The following NTNG2 variants were observed in gnomAD, a reference collection of about 807,000 sequenced individuals.
NTNG2 encodes the protein netrin G2.
NTNG2 carries 15 observed loss-of-function variants against 47.6 expected under a neutral mutation model. The ratio of observed to expected loss-of-function variants is 0.32; its 90% CI spans 0.21 to 0.49. NTNG2 has a LOEUF of 0.49. NTNG2 is among the 20% of genes least tolerant of loss of function. The pLI, the probability that NTNG2 is intolerant of heterozygous loss-of-function variation, is 0.99. For synonymous variants in NTNG2, 307 were observed against 324.6 expected (o/e 0.95, Z 0.58); for missense variants, 578 against 764.6 (o/e 0.76, Z 2.88).
chr9:132,240,577 G>T, intron 6 of NTNG2: 1 of 432,328 alleles, frequency 2.3e-6, no homozygotes, highest in South Asian at 2.2e-5. Context: ...CCACCTGTCG[G>T]AGTCATAGCT....
chr9:132,188,514 C>T (rs1414014180), intron 2 of NTNG2, among the ~76,000 whole-genome samples: 1 of 152,256 alleles, frequency 6.6e-6, no homozygotes, highest in Non-Finnish European at 1.5e-5. Flanking sequence ...TGCGACATTG[C>T]TCAGCCTCTC....
At chr9:132,222,048 G>C (rs1198959801) in intron 3 of NTNG2, among the ~76,000 whole-genome samples, 2 of 152,232 alleles carry the variant, frequency 1.3e-5, no homozygotes, top group Non-Finnish European at 1.5e-5. Context: ...TAGGAATTCA[G>C]AAGTTGCGAA....
chr9:132,222,881 A>T (rs1449695013), intron 3 of NTNG2, among the ~76,000 whole-genome samples: 2 of 152,150 alleles, frequency 1.3e-5, no homozygotes, highest in African/African-American at 2.4e-5. Flanking sequence ...TGAGGTGGGC[A>T]GATTGCTTGA....
Position 132,215,382 on chromosome 9 carries a change from A to G in NTNG2, c.858-11467A>G, listed in dbSNP as rs1054572736. 1.2e-4 allele frequency among the ~76,000 whole-genome samples: 18 copies of G among 151,570 alleles called. No homozygotes were observed. Among genetic ancestry groups the G allele is most frequent in the African/African-American group, 4.4e-4 (18 of 41,272 alleles). On this transcript the variant is annotated intron_variant, in intron 3 of 7. Transcript: ENST00000393229. The surrounding 1 kb of genome is among the most constrained non-coding windows in gnomAD (Gnocchi z 4.2). ...GATCATTTGAGGTCAGGAGTTTGAG[A>G]CCAGCCTGGCCAACGTGGTGAAACC... is the stretch of plus-strand genomic sequence containing the variant.
At chr9:132,181,504 A>G (rs1259153966) in intron 2 of NTNG2, among the ~76,000 whole-genome samples, 2 of 151,950 alleles carry the variant, frequency 1.3e-5, no homozygotes, top group African/African-American at 2.4e-5. Flanking sequence ...TATTTTTAGT[A>G]GAGACAAAGT....
intron 2 of NTNG2, among the ~76,000 whole-genome samples, chr9:132,183,411 T>G (rs890033869): frequency 6.6e-6 from 1 of 152,174 alleles, no homozygotes. Context: ...CCCCCTGCAG[T>G]GTTTTGTGTG....
At chr9:132,187,600 A>C (rs1837501488) in intron 2 of NTNG2, among the ~76,000 whole-genome samples, 1 of 146,620 alleles carries the variant, frequency 6.8e-6, no homozygotes, top group East Asian at 2.2e-4. Flanking sequence ...AGAGAGAGGG[A>C]CAGAAAACAA....
chr9:132,225,244 TTTTTG>T (rs1840664509), intron 3 of NTNG2, among the ~76,000 whole-genome samples: 1 of 151,066 alleles, frequency 6.6e-6, no homozygotes, highest in Non-Finnish European at 1.5e-5. Context: ...TTTGTTTTTG[TTTTTG>T]TTTTGTTTGT....
chr9:132,214,857 T>C (rs1441180304), intron 3 of NTNG2, among the ~76,000 whole-genome samples: 2 of 140,788 alleles, frequency 1.4e-5, no homozygotes, highest in Non-Finnish European at 3.0e-5. Flanking sequence ...TAGTTATTTA[T>C]CTAAAATTCA....
chr9:132,193,314 G>T (rs17148762), intron 2 of NTNG2, among the ~76,000 whole-genome samples: 3,121 of 152,214 alleles, frequency 0.021, 94 homozygotes, highest in African/African-American at 0.063. Flanking sequence ...TGAGGTCCAG[G>T]CCCAATATGC....
In NTNG2 at chr9:132,166,521, G is replaced by A; in HGVS notation, c.-311G>A. 2.5e-6 allele frequency: 1 copy of A among 399,930 alleles called. No homozygotes were observed. The highest frequency in any genetic ancestry group is 4.7e-6 in the Non-Finnish European group (1 of 212,858). The allele number at this position is 399,930 out of a possible 1,614,324, so 24.8% of individuals were successfully genotyped here. ...ATCCACTGTCACAATTTGAGAATCT[G>A]CCTGATTTGATCAGATTCACCTCCA... On this transcript the variant is annotated 5_prime_UTR_variant, in exon 2 of 8. Coordinates refer to ENST00000393229, the MANE Select transcript of NTNG2 (RefSeq NM_032536.4).
Position 132,166,635 on chromosome 9 carries a change from G to C in NTNG2, c.-197G>C. 2 of 600,812 alleles carry C rather than the reference G, an allele frequency of 3.3e-6. No homozygotes were observed. Among genetic ancestry groups the C allele is most frequent in the East Asian group, 5.6e-5 (2 of 35,940 alleles). The allele number at this position is 600,812 out of a possible 1,614,324, so 37.2% of individuals were successfully genotyped here. ...CAGCAGTCTGAGAAACGCTGGCTCT[G>C]AATTTTCCGTGTCGGCCTTTTGGAA... On this transcript the variant is annotated 5_prime_UTR_variant, in exon 2 of 8. Transcript: ENST00000393229.
At chr9:132,179,710 G>A (rs371064796) in intron 2 of NTNG2, among the ~76,000 whole-genome samples, 21 of 152,214 alleles carry the variant, frequency 1.4e-4, no homozygotes, top group African/African-American at 4.6e-4. Context: ...GTAACAGGAC[G>A]GAGCCAGGTC....
chr9:132,206,005 G>A (rs1367366721), intron 3 of NTNG2, among the ~76,000 whole-genome samples: 1 of 152,184 alleles, frequency 6.6e-6, no homozygotes, highest in Non-Finnish European at 1.5e-5. Flanking sequence ...TGGATTAGGT[G>A]TGACCCTGGG....
In NTNG2 at chr9:132,163,242, G is replaced by T. The variant is rs1399442342; in HGVS notation, c.-484+1003G>T. On this transcript the variant is annotated intron_variant, in intron 1 of 7. Transcript: ENST00000393229. This position sits in a 1 kb window ranked among gnomAD's most constrained non-coding sequence, Gnocchi z 7.2. ...CGTCGGTGTCCTAGGCACAGGGCTC[G>T]CAGCCGGCCCGAAGCACTGACTCGA... Among the ~76,000 whole-genome samples the T allele has an allele frequency of 6.6e-6, 1 of 152,068 alleles. No homozygotes were observed. The highest frequency in any genetic ancestry group is 1.5e-5 in the Non-Finnish European group (1 of 67,962).
intron 2 of NTNG2, among the ~76,000 whole-genome samples, chr9:132,191,156 G>A (rs1220879402): frequency 2.6e-5 from 4 of 152,150 alleles, no homozygotes; most frequent in Admixed American, 6.5e-5. Flanking sequence ...CCCAGCCCGG[G>A]CACAGGGCTG....
rs549222545 is a variant in NTNG2, at chr9:132,229,961, G to A, written c.1031-611G>A. Among the ~76,000 whole-genome samples, 7 of 152,256 alleles carry A rather than the reference G, an allele frequency of 4.6e-5. No homozygotes were observed. In the East Asian group the frequency reaches 9.7e-4, roughly 21 times the overall value. Reference sequence around the variant, plus strand: ...CACACCTGGATTCAGGTCAGGCCTCGCCCACTCTCGGCTATATTTCTCCCC... The same window carrying A: ...CACACCTGGATTCAGGTCAGGCCTCACCCACTCTCGGCTATATTTCTCCCC... On this transcript the variant is annotated intron_variant, in intron 4 of 7. Transcript: ENST00000393229.
intron 2 of NTNG2, among the ~76,000 whole-genome samples, chr9:132,195,892 G>A (rs895868885): frequency 1.3e-5 from 2 of 151,936 alleles, no homozygotes; most frequent in Non-Finnish European, 2.9e-5. Flanking sequence ...TCTGCCCCCC[G>A]AGTAGCTGGG....
intron 4 of NTNG2, among the ~76,000 whole-genome samples, chr9:132,229,331 G>C (rs903961612): frequency 6.6e-6 from 1 of 152,132 alleles, no homozygotes; most frequent in East Asian, 1.9e-4. Context: ...ACGGGGCCAA[G>C]TGCAAGTCTG....
Sources: allele counts gnomAD v4.1 joint callset (sites outside exome capture counted in the v4.1 genomes callset), GRCh38; gene constraint gnomAD v4.1.1; non-coding constraint Gnocchi (gnomAD v3.1); transcripts MANE v1.5; gene names NCBI Gene and HGNC (gene_info 2026-07-23, HGNC 2026-07-21).